Variants in CDK14 observed in about 807,000 individuals in gnomAD.
CDK14 encodes cyclin-dependent kinase 14.
A neutral mutation model predicts 60.7 loss-of-function variants in CDK14; 34 were observed. The observed-to-expected ratio is 0.56, with a 90% CI of 0.43 to 0.75. CDK14 has a LOEUF of 0.75. Among genes scored for constraint, CDK14 ranks in the 30% least tolerant of loss-of-function variants. CDK14 has a pLI of 0.00. For missense variants in CDK14, 482 were observed against 564.1 expected, an observed-to-expected ratio of 0.85 and a Z score of 1.47; for synonymous variants, 197 against 203.7, an observed-to-expected ratio of 0.97 and a Z score of 0.28.
chr7:91,176,898 C>A (rs1241895676), intron 14 of CDK14, among the ~76,000 whole-genome samples: 2 of 152,140 alleles, frequency 1.3e-5, no homozygotes, highest in African/African-American at 4.8e-5. Context: ...GAACTGGTAC[C>A]ATTCCTTCTG....
At chr7:91,156,676 A>C (rs1800995253) in intron 14 of CDK14, among the ~76,000 whole-genome samples, 1 of 152,158 alleles carries the variant, frequency 6.6e-6, no homozygotes. Flanking sequence ...TGGGAGGATT[A>C]TTTTTTAAAT....
intron 2 of CDK14, among the ~76,000 whole-genome samples, chr7:90,615,020 T>C (rs1429081732): frequency 1.3e-5 from 2 of 152,110 alleles, no homozygotes; most frequent in Non-Finnish European, 1.5e-5. Context: ...AGTGCAACAT[T>C]ATATGATTAA....
At chr7:90,840,888 T>C (rs1790265407) in intron 5 of CDK14, among the ~76,000 whole-genome samples, 1 of 94,158 alleles carries the variant, frequency 1.1e-5, no homozygotes, top group Non-Finnish European at 2.1e-5. Flanking sequence ...TTCTGAGGGA[T>C]TTTCTTTAAC....
chr7:90,942,356 G>T (rs138146226), intron 8 of CDK14, among the ~76,000 whole-genome samples: 4 of 152,228 alleles, frequency 2.6e-5, no homozygotes, highest in South Asian at 2.1e-4. Flanking sequence ...ACAAGACAGA[G>T]CTCTGGGTGA....
At chr7:91,190,415 G>A (rs1258408079) in intron 14 of CDK14, among the ~76,000 whole-genome samples, 1 of 152,204 alleles carries the variant, frequency 6.6e-6, no homozygotes, top group Admixed American at 6.5e-5. Context: ...CACCACAGAA[G>A]TGTTAGCAAA....
At chr7:91,027,952 C>T (rs1331152489) in intron 10 of CDK14, among the ~76,000 whole-genome samples, 5 of 107,146 alleles carry the variant, frequency 4.7e-5, no homozygotes, top group African/African-American at 1.5e-4. Context: ...GCTCCACTCC[C>T]CTCCGCTCCC....
At chr7:90,952,326 G>C (rs895020408) in intron 8 of CDK14, among the ~76,000 whole-genome samples, 1 of 152,116 alleles carries the variant, frequency 6.6e-6, no homozygotes, top group Non-Finnish European at 1.5e-5. Context: ...TTATCTATAA[G>C]ATAACCATCT....
At chr7:91,158,168 A>G (rs1801045109) in intron 14 of CDK14, among the ~76,000 whole-genome samples, 1 of 148,182 alleles carries the variant, frequency 6.7e-6, no homozygotes, top group Non-Finnish European at 1.5e-5. Context: ...TAAATATATT[A>G]TACATTAAAT....
chr7:91,057,947 T>G (rs1422262853), intron 11 of CDK14, among the ~76,000 whole-genome samples: 10 of 152,164 alleles, frequency 6.6e-5, no homozygotes, highest in Admixed American at 1.3e-4. Context: ...GTGAAGAAAG[T>G]CATTGGTAGC....
intron 3 of CDK14, among the ~76,000 whole-genome samples, chr7:90,727,941 C>T (rs540888451): frequency 4.9e-4 from 75 of 152,218 alleles, no homozygotes; most frequent in Middle Eastern, 6.8e-3. Context: ...TTTTAAAGTA[C>T]ATCCTCGCAG....
At chr7:90,599,198 GAA>G (rs1799262669) in intron 1 of CDK14, among the ~76,000 whole-genome samples, 2 of 152,166 alleles carry the variant, frequency 1.3e-5, no homozygotes, top group Non-Finnish European at 2.9e-5. Context: ...GGCTTTTAGT[GAA>G]ATAATGCATA....
At chr7:90,851,527 T>G (rs1442582001) in intron 5 of CDK14, among the ~76,000 whole-genome samples, 2 of 152,156 alleles carry the variant, frequency 1.3e-5, no homozygotes, top group Admixed American at 1.3e-4. Context: ...AGGCAGGTTG[T>G]ATGAGCAGGA....
chr7:90,966,988 G>A (rs796967503), intron 9 of CDK14, among the ~76,000 whole-genome samples: 1 of 151,826 alleles, frequency 6.6e-6, no homozygotes, highest in Admixed American at 6.6e-5. Context: ...CTGACACTTT[G>A]GTCACTTGGG....
chr7:91,040,981 A>C (rs962711279), intron 10 of CDK14, among the ~76,000 whole-genome samples: 4 of 152,184 alleles, frequency 2.6e-5, no homozygotes, highest in African/African-American at 9.7e-5. Context: ...TGTTATTTGG[A>C]GTAGATATTT....
chr7:90,891,920 C>T (rs558218585), intron 6 of CDK14, among the ~76,000 whole-genome samples: 1 of 152,228 alleles, frequency 6.6e-6, no homozygotes, highest in Non-Finnish European at 1.5e-5. Context: ...CTCTGAGGAA[C>T]TTTCTATCTC....
rs531393385 is a variant in CDK14, at chr7:90,673,004, A to AT, written c.124-53553dup. 1.9e-3 allele frequency among the ~76,000 whole-genome samples: 291 copies of AT among 150,106 alleles called. 1 individual carries two copies. The highest frequency in any genetic ancestry group is 5.3e-3 in the African/African-American group (216 of 40,932). On this transcript the variant is annotated intron_variant, in intron 2 of 14. Transcript: ENST00000380050. ...GTTGCCATAATTTAAATGCTGGTTG[A>AT]TTTTTTTTTTCTTTTAACATAGAAC...
Position 90,964,049 on chromosome 7 carries a change from A to G in CDK14, c.947+8232A>G, listed in dbSNP as rs1393698200. 5.9e-5 allele frequency among the ~76,000 whole-genome samples: 9 copies of G among 152,276 alleles called. No individual in the cohort carries two copies. The East Asian group carries it at 1.5e-3, about 26-fold the overall frequency. On this transcript the variant is annotated intron_variant, in intron 9 of 14. Transcript: ENST00000380050. Reference sequence around the variant, plus strand: ...TTTAAAGGAAAATTAGAAGAATTACATAATTGTTTTATGATAATTATCCTT... The same window carrying G: ...TTTAAAGGAAAATTAGAAGAATTACGTAATTGTTTTATGATAATTATCCTT...
intron 11 of CDK14, among the ~76,000 whole-genome samples, chr7:91,060,205 G>A (rs866514267): frequency 6.6e-6 from 1 of 151,142 alleles, no homozygotes; most frequent in South Asian, 2.1e-4. Flanking sequence ...TGTTTTATCC[G>A]AGGCTAGGAT....
chr7:90,882,104 A>G (rs1039767944), intron 6 of CDK14, among the ~76,000 whole-genome samples: 1 of 152,162 alleles, frequency 6.6e-6, no homozygotes, highest in Non-Finnish European at 1.5e-5. Context: ...CTTAAATGTA[A>G]GTGGGCTAAA....
Sources: allele counts gnomAD v4.1 joint callset (sites outside exome capture counted in the v4.1 genomes callset), GRCh38; gene constraint gnomAD v4.1.1; transcripts MANE v1.5; gene names NCBI Gene and HGNC (gene_info 2026-07-23, HGNC 2026-07-21).